The following CDKL1 variants were observed in gnomAD, a reference collection of about 807,000 sequenced individuals.
CDKL1 encodes cyclin dependent kinase like 1.
A neutral mutation model predicts 42.0 loss-of-function variants in CDKL1; 41 were observed. The ratio of observed to expected loss-of-function variants is 0.98; its 90% CI spans 0.76 to 1.27. The LOEUF (loss-of-function observed/expected upper bound fraction) is 1.27, where lower values mean the gene tolerates loss of function less well. Ranked by LOEUF, CDKL1 falls within the 50% of genes most tolerant of loss-of-function variation. CDKL1 has a pLI of 0.00. For missense variants in CDKL1, 394 were observed against 428.4 expected, an observed-to-expected ratio of 0.92 and a Z score of 0.71; for synonymous variants, 153 against 158.6, an observed-to-expected ratio of 0.96 and a Z score of 0.26.
chr14:50,329,959 A>C lies in CDKL1; in HGVS notation c.*115T>G. The C allele has an allele frequency of 7.8e-7, 1 of 1,279,068 alleles. No individual in the cohort carries two copies. Among genetic ancestry groups the C allele is most frequent in the Non-Finnish European group, 1.0e-6 (1 of 963,026 alleles). The allele number at this position is 1,279,068 out of a possible 1,614,324, so 79.2% of individuals were successfully genotyped here. A position where few individuals can be genotyped will look rare whatever the true frequency, so the allele number is the denominator to read the frequency against. ...CAGTTGGCCTCCCAGTTTCTTGCTT[A>C]TGTTTTCTCCTGGTGTGTTTTCAAC... On this transcript the variant is annotated 3_prime_UTR_variant, in exon 10 of 10. Transcript: ENST00000395834.
At chr14:50,369,677 GGCA>G (rs2034536215) in intron 2 of CDKL1, among the ~76,000 whole-genome samples, 1 of 151,504 alleles carries the variant, frequency 6.6e-6, no homozygotes, top group Non-Finnish European at 1.5e-5. Flanking sequence ...GGAGTGCAGT[GGCA>G]CGATCTCAGC....
At chr14:50,358,636 C>CTTTT (rs71118873) in intron 3 of CDKL1, among the ~76,000 whole-genome samples, 1,063 of 67,568 alleles carry the variant, frequency 0.016, 250 homozygotes, top group African/African-American at 0.051. Flanking sequence ...TTTAACTAGT[C>CTTTT]TTTTTTTTTT....
At chr14:50,376,686 T>C (rs1290346986) in intron 2 of CDKL1, among the ~76,000 whole-genome samples, 1 of 152,226 alleles carries the variant, frequency 6.6e-6, no homozygotes, top group East Asian at 1.9e-4. Flanking sequence ...AAAAATATTT[T>C]AAAATCCTTC....
intron 3 of CDKL1, among the ~76,000 whole-genome samples, chr14:50,345,610 C>T (rs901734896): frequency 2.0e-5 from 3 of 152,158 alleles, no homozygotes; most frequent in African/African-American, 7.2e-5. Context: ...CATTGCAAAC[C>T]ATTCTATTTG....
At chr14:50,390,196 C>A in intron 2 of CDKL1, 1 of 1,365,694 alleles carries the variant, frequency 7.3e-7, no homozygotes, top group South Asian at 1.1e-5. Flanking sequence ...TGGAGGGAGA[C>A]ATGTCATAGA....
intron 7 of CDKL1, 56 bp downstream of exon 7, chr14:50,338,891 C>T: frequency 8.8e-7 from 1 of 1,140,544 alleles, no homozygotes; most frequent in Non-Finnish European, 1.3e-6. Flanking sequence ...AGGTGAATAA[C>T]AACCAAAGCC....
intron 2 of CDKL1, among the ~76,000 whole-genome samples, chr14:50,369,421 A>G (rs1174282933): frequency 1.3e-5 from 2 of 152,078 alleles, no homozygotes. Context: ...TTCTTATACT[A>G]GAGTTAAAAG....
intron 3 of CDKL1, among the ~76,000 whole-genome samples, chr14:50,345,362 T>C (rs993580774): frequency 6.6e-6 from 1 of 152,240 alleles, no homozygotes; most frequent in African/African-American, 2.4e-5. Context: ...GTGACACCAC[T>C]GGGAAACTGC....
chr14:50,386,492 C>T (rs899969583), intron 2 of CDKL1, among the ~76,000 whole-genome samples: 28 of 152,132 alleles, frequency 1.8e-4, no homozygotes, highest in Non-Finnish European at 7.4e-5. Flanking sequence ...AGTTGATGAA[C>T]TAATCTAGCG....
At chr14:50,391,510 G>A (rs1049062350) in intron 2 of CDKL1, among the ~76,000 whole-genome samples, 1 of 152,062 alleles carries the variant, frequency 6.6e-6, no homozygotes, top group Non-Finnish European at 1.5e-5. Flanking sequence ...AGACTCCCAA[G>A]TAGCTGGGAT....
At position 50,396,210 on chromosome 14, in the gene CDKL1, A is replaced by AAAAAAAAAAAAAG. The variant is rs1566617659; in HGVS notation, c.-343_-342insCTTTTTTTTTTTT. On this transcript the variant is annotated 5_prime_UTR_variant, in exon 2 of 10. Transcript: ENST00000395834. ...CAAAAAAAAAAAAAAAAAAAAAAAA[A>AAAAAAAAAAAAAG]AAAGAAAGAAAGAAAAGAAAAGAAA... 1 of 998,162 alleles carries AAAAAAAAAAAAAG rather than the reference A, an allele frequency of 1.0e-6. No homozygotes were observed. The highest frequency in any genetic ancestry group is 3.9e-5 in the South Asian group (1 of 25,740). The allele number at this position is 998,162 out of a possible 1,614,324, so 61.8% of individuals were successfully genotyped here.
Position 50,332,065 on chromosome 14 carries a change from C to T in CDKL1, c.966+197G>A, listed in dbSNP as rs751382791. ...TGTGTGGCATCAGGAAGCAGCAGGA[C>T]AAGGGCACCTTTAGGATTCAGGGAG... On this transcript the variant is annotated intron_variant, in intron 9 of 9. Coordinates refer to ENST00000395834, the MANE Select transcript of CDKL1 (RefSeq NM_004196.7). The T allele has an allele frequency of 6.5e-6, 10 of 1,548,604 alleles. 1 individual carries two copies. In the South Asian group the frequency reaches 1.0e-4, roughly 16 times the overall value.
At chr14:50,390,760 A>C (rs1538903) in intron 2 of CDKL1, among the ~76,000 whole-genome samples, 122,655 of 152,276 alleles carry the variant, frequency 0.81, 49,968 homozygotes, top group African/African-American at 0.93. Flanking sequence ...AGTGCATCCA[A>C]CTGCTTTATG....
At chr14:50,332,536 A>C in intron 8 of CDKL1, 104 bp from the exon 9 acceptor site, 2 of 1,497,698 alleles carry the variant, frequency 1.3e-6, no homozygotes, top group South Asian at 1.3e-5. Flanking sequence ...TTGCAATAAG[A>C]AGGGGGAAAA....
In CDKL1 at chr14:50,369,719, A is replaced by G. The variant is rs555024756; in HGVS notation, c.169-10570T>C. The stretch of plus-strand genomic sequence containing the variant: ...CTGCAATCTCAGCCTCCTGGGTTCA[A>G]GCAATTCTCCTGCCTCAGCCTCCTG... On this transcript the variant is annotated intron_variant, in intron 2 of 9. Coordinates refer to ENST00000395834, the MANE Select transcript of CDKL1 (RefSeq NM_004196.7). Among the ~76,000 whole-genome samples the G allele has an allele frequency of 2.6e-5, 4 of 151,774 alleles. No homozygotes were observed. The East Asian group carries it at 7.8e-4, about 30-fold the overall frequency.
At chr14:50,341,948 C>A (rs945808805) in intron 5 of CDKL1, among the ~76,000 whole-genome samples, 184 bp downstream of exon 5, 1 of 152,046 alleles carries the variant, frequency 6.6e-6, no homozygotes, top group Non-Finnish European at 1.5e-5. Flanking sequence ...TTATGGATAG[C>A]ATACATAGGT....
At chr14:50,396,617 G>A (rs927205807) in intron 1 of CDKL1, 23 of 263,594 alleles carry the variant, frequency 8.7e-5, no homozygotes, top group African/African-American at 4.8e-4. Flanking sequence ...TCATTTCCCT[G>A]CGGCAAGAAG....
intron 1 of CDKL1, 99 bp from the exon 2 acceptor site, chr14:50,396,428 A>G: frequency 6.1e-6 from 6 of 985,496 alleles, no homozygotes; most frequent in Non-Finnish European, 7.2e-6. Flanking sequence ...TGCCTCCAGT[A>G]ACCCGATTTT....
chr14:50,364,070 A>G (rs2034368627), intron 2 of CDKL1: 2 of 152,424 alleles, frequency 1.3e-5, no homozygotes, highest in Admixed American at 1.3e-4. Context: ...AAGGAGTAGC[A>G]CTGTGCCAGT....
Sources: allele counts gnomAD v4.1 joint callset (sites outside exome capture counted in the v4.1 genomes callset), GRCh38; gene constraint gnomAD v4.1.1; transcripts MANE v1.5; gene names NCBI Gene and HGNC (gene_info 2026-07-23, HGNC 2026-07-21).